The following FHIP1A variants were observed in gnomAD, a reference collection of about 807,000 sequenced individuals.
FHIP1A encodes the protein FHF complex subunit HOOK-interacting protein 1A.
In FHIP1A, 61 loss-of-function variants were observed where a neutral mutation model predicts 88.6. That is an observed-to-expected ratio of 0.69 (90% CI 0.56 to 0.85). The LOEUF (loss-of-function observed/expected upper bound fraction) is 0.85. Ranked by LOEUF, FHIP1A falls within the 40% of genes least tolerant of loss-of-function variation. The probability of loss-of-function intolerance (pLI) is 0.00; values close to 1 mark genes in which losing one functional copy is unlikely to be tolerated. For missense variants in FHIP1A, 1,154 were observed against 1,273.5 expected (o/e 0.91, Z 1.43); for synonymous variants, 478 against 496.0 (o/e 0.96, Z 0.48).
chr4:151,609,810 C>T (rs1735227136), intron 7 of FHIP1A, among the ~76,000 whole-genome samples: 1 of 152,140 alleles, frequency 6.6e-6, no homozygotes, highest in Non-Finnish European at 1.5e-5. Flanking sequence ...GGATCTATAT[C>T]ACCTTGGCCT....
chr4:151,460,169 G>T (rs1479430986), intron 2 of FHIP1A, among the ~76,000 whole-genome samples: 1 of 152,068 alleles, frequency 6.6e-6, no homozygotes, highest in African/African-American at 2.4e-5. Context: ...TAAAATGTGG[G>T]TAAATTTTTA....
chr4:151,571,656 C>T (rs1733607127), intron 4 of FHIP1A, among the ~76,000 whole-genome samples: 1 of 152,078 alleles, frequency 6.6e-6, no homozygotes, highest in South Asian at 2.1e-4. Context: ...TTGCTCTGTG[C>T]CTTGTACTAG....
intron 10 of FHIP1A, 61 bp downstream of exon 10, chr4:151,646,809 A>G (rs1736815873): frequency 8.5e-7 from 1 of 1,178,308 alleles, no homozygotes; most frequent in Non-Finnish European, 1.2e-6. Flanking sequence ...TCGCCTTGGG[A>G]TATGTGTCCC....
intron 7 of FHIP1A, among the ~76,000 whole-genome samples, chr4:151,629,281 A>G (rs534054297): frequency 6.6e-6 from 1 of 152,218 alleles, no homozygotes; most frequent in Non-Finnish European, 1.5e-5. Flanking sequence ...CTCCTCGTAC[A>G]TAACAGGTCC....
chr4:151,606,859 C>A (rs147634591), intron 7 of FHIP1A, among the ~76,000 whole-genome samples: 1 of 152,330 alleles, frequency 6.6e-6, no homozygotes, highest in African/African-American at 2.4e-5. Context: ...TATGTGCCCA[C>A]CTCAGCCCAC....
Position 151,577,699 on chromosome 4 carries a change from C to G in FHIP1A, c.355C>G (p.Leu119Val). The change falls in exon 5 of 14, where the codon CTA becomes GTA. Residue 119 changes from leucine to valine, a missense_variant. Coordinates refer to ENST00000435205, the MANE Select transcript of FHIP1A (RefSeq NM_001109977.3). ...TACTGATGAGACTAAAATTGAGCAGCTAAAGATGTATGAGATGTTGGTCAC... is the reference window on the plus strand; with the variant it reads ...TACTGATGAGACTAAAATTGAGCAGGTAAAGATGTATGAGATGTTGGTCAC... ...EFTDETKIEQLKMYEMLVTQS... is the reference protein window; with the variant it reads ...EFTDETKIEQVKMYEMLVTQS... 6 of 1,551,664 alleles carry G rather than the reference C, an allele frequency of 3.9e-6. No homozygotes were observed. The highest frequency in any genetic ancestry group is 5.2e-6 in the Non-Finnish European group (6 of 1,146,974).
chr4:151,455,551 T>C (rs935300593), intron 2 of FHIP1A, among the ~76,000 whole-genome samples: 1 of 152,228 alleles, frequency 6.6e-6, no homozygotes, highest in African/African-American at 2.4e-5. Flanking sequence ...ATTTCATTAC[T>C]TTCTTGAGGT....
intron 7 of FHIP1A, among the ~76,000 whole-genome samples, chr4:151,591,162 TCTCCTCTGGCTCTTGG>T (rs1464763973): frequency 2.0e-5 from 3 of 151,806 alleles, no homozygotes; most frequent in African/African-American, 7.3e-5. Context: ...GAGAACAGCC[TCTCCTCTGGCTCTTGG>T]CTCCTTATGT....
chr4:151,590,602 G>C (rs1243159309), intron 7 of FHIP1A, among the ~76,000 whole-genome samples: 1 of 152,112 alleles, frequency 6.6e-6, no homozygotes, highest in African/African-American at 2.4e-5. Flanking sequence ...TTTATTCACT[G>C]GGATATCTCC....
chr4:151,512,852 A>G (rs898983318), intron 3 of FHIP1A, among the ~76,000 whole-genome samples: 4 of 152,242 alleles, frequency 2.6e-5, no homozygotes, highest in Non-Finnish European at 5.9e-5. Flanking sequence ...TGATGGGGAG[A>G]ATGGAACCAA....
rs995029047 is a variant in FHIP1A at position 151,668,124 on chromosome 4, C to T, written c.*5370C>T. On this transcript the variant is annotated 3_prime_UTR_variant, in exon 14 of 14. Transcript: ENST00000435205. ...AAGGGTTTCAATCAGATGCTTCCCA[C>T]CTCACAAGCAAGGGTCAGCTCTATT... 6.6e-6 allele frequency among the ~76,000 whole-genome samples: 1 copy of T among 152,160 alleles called. No homozygotes were observed. The highest frequency in any genetic ancestry group is 2.1e-4 in the South Asian group (1 of 4,830).
At chr4:151,633,001 T>C (rs553955196) in intron 8 of FHIP1A, among the ~76,000 whole-genome samples, 17 of 151,830 alleles carry the variant, frequency 1.1e-4, no homozygotes, top group African/African-American at 4.1e-4. Flanking sequence ...AAATAAAGAA[T>C]AGAAAAACCA....
intron 7 of FHIP1A, among the ~76,000 whole-genome samples, chr4:151,589,706 G>A (rs768575464): frequency 4.6e-5 from 7 of 152,122 alleles, no homozygotes; most frequent in Non-Finnish European, 1.0e-4. Flanking sequence ...AATTTCTATG[G>A]ACTTTTATTT....
chr4:151,516,536 T>A (rs886899905), intron 3 of FHIP1A, among the ~76,000 whole-genome samples: 4 of 151,964 alleles, frequency 2.6e-5, no homozygotes, highest in African/African-American at 9.7e-5. Context: ...GGGATAAAAT[T>A]TTTGCAACCT....
chr4:151,588,724 A>G (rs1480653058), intron 6 of FHIP1A, 116 bp from the exon 7 acceptor site: 1 of 744,130 alleles, frequency 1.3e-6, no homozygotes, highest in Non-Finnish European at 2.4e-6. Context: ...ATCACAGAAT[A>G]AATGGCCAAA....
chr4:151,507,305 G>A (rs1196919547), intron 3 of FHIP1A, among the ~76,000 whole-genome samples: 2 of 152,036 alleles, frequency 1.3e-5, no homozygotes, highest in African/African-American at 2.4e-5. Context: ...TAAATTTTTT[G>A]TAGTGATGGG....
chr4:151,631,841 G>C (rs901159705), intron 8 of FHIP1A, among the ~76,000 whole-genome samples: 2 of 152,132 alleles, frequency 1.3e-5, no homozygotes, highest in African/African-American at 4.8e-5. Flanking sequence ...TGAATTGCTT[G>C]CTTCACATTA....
intron 3 of FHIP1A, among the ~76,000 whole-genome samples, chr4:151,516,103 A>C (rs900955893): frequency 3.9e-5 from 6 of 152,186 alleles, no homozygotes; most frequent in African/African-American, 1.4e-4. Context: ...CAAAACAGAG[A>C]TGTAGATCAA....
At chr4:151,421,480 A>T (rs575619101) in intron 1 of FHIP1A, among the ~76,000 whole-genome samples, 6 of 151,998 alleles carry the variant, frequency 3.9e-5, no homozygotes, top group South Asian at 4.2e-4. Flanking sequence ...ATTTAAAAAA[A>T]TTTTTTCAGT....
Sources: gnomAD v4.1 joint callset for allele counts (sites outside exome capture counted in the v4.1 genomes callset) on GRCh38, gnomAD v4.1.1 for gene constraint, MANE v1.5 for transcripts, NCBI Gene and HGNC (gene_info 2026-07-23, HGNC 2026-07-21) for gene names.